The following LYPD6 variants were observed in gnomAD, a reference collection of about 807,000 sequenced individuals.
The protein encoded by LYPD6 is LY6/PLAUR domain containing 6.
In LYPD6, 15 loss-of-function variants were observed where a neutral mutation model predicts 22.7. That is an observed-to-expected ratio of 0.66 (90% confidence interval 0.44 to 1.02). The LOEUF (loss-of-function observed/expected upper bound fraction) is 1.02. LYPD6 is among the 50% of genes least tolerant of loss of function. LYPD6 has a pLI of 0.00. For missense variants in LYPD6, 189 were observed against 208.4 expected, an observed-to-expected ratio of 0.91 and a Z score of 0.57; for synonymous variants, 72 against 77.5, an observed-to-expected ratio of 0.93 and a Z score of 0.37.
chr2:149,396,609 T>C (rs529318428), intron 1 of LYPD6, among the ~76,000 whole-genome samples: 1 of 152,296 alleles, frequency 6.6e-6, no homozygotes, highest in African/African-American at 2.4e-5. Context: ...TCTGATTTAT[T>C]TTTGTTGCAT....
At chr2:149,377,952 G>A (rs1398397780) in intron 1 of LYPD6, among the ~76,000 whole-genome samples, 1 of 152,024 alleles carries the variant, frequency 6.6e-6, no homozygotes, top group Non-Finnish European at 1.5e-5. Flanking sequence ...CCTGGCATGA[G>A]GTCAGGCCCT....
chr2:149,356,998 A>T (rs2105064263), intron 1 of LYPD6, among the ~76,000 whole-genome samples: 1 of 152,296 alleles, frequency 6.6e-6, no homozygotes, highest in South Asian at 2.1e-4. Flanking sequence ...TCAAAAATTT[A>T]CTGGGATTCT....
At chr2:149,476,015 G>T (rs1212826221), downstream of LYPD6, among the ~76,000 whole-genome samples, 1 of 152,142 alleles carries the variant, frequency 6.6e-6, no homozygotes, top group Admixed American at 6.5e-5. Context: ...AGAGTGAGTA[G>T]AACCTTAGAA....
chr2:149,398,523 G>C (rs532095783), intron 1 of LYPD6, among the ~76,000 whole-genome samples: 1 of 152,016 alleles, frequency 6.6e-6, no homozygotes. Flanking sequence ...GATTTTCAGA[G>C]GGATGCTGCT....
At chr2:149,360,157 A>G (rs972344773) in intron 1 of LYPD6, among the ~76,000 whole-genome samples, 4 of 152,166 alleles carry the variant, frequency 2.6e-5, no homozygotes, top group African/African-American at 9.7e-5. Context: ...GTCTTTTAGC[A>G]TGCTAATACA....
At chr2:149,437,941 TG>T in intron 2 of LYPD6, 115 bp downstream of exon 2, 1 of 1,128,362 alleles carries the variant, frequency 8.9e-7, no homozygotes, top group Non-Finnish European at 1.3e-6. Flanking sequence ...GTGATTTAAC[TG>T]GGGTGGTGCG....
the LYPD6 span, among the ~76,000 whole-genome samples, chr2:149,480,021 T>C: frequency 2.2e-4 from 22 of 99,122 alleles, no homozygotes; most frequent in Admixed American, 9.1e-4. Flanking sequence ...TTCTCTCTCT[T>C]TTTTTTTTTT....
chr2:149,402,851 G>C (rs575666529), intron 1 of LYPD6, among the ~76,000 whole-genome samples: 1 of 151,308 alleles, frequency 6.6e-6, no homozygotes, highest in Non-Finnish European at 1.5e-5. Flanking sequence ...TTTAGCATTA[G>C]GTATATCTCC....
chr2:149,475,603 T>C (rs780340040), downstream of LYPD6, among the ~76,000 whole-genome samples: 83 of 152,210 alleles, frequency 5.5e-4, no homozygotes, highest in Non-Finnish European at 1.1e-3. Flanking sequence ...CTGTTTATTA[T>C]CTTTGACAAA....
intron 1 of LYPD6, among the ~76,000 whole-genome samples, chr2:149,389,316 T>C (rs1250103382): frequency 6.6e-6 from 1 of 152,156 alleles, no homozygotes; most frequent in Non-Finnish European, 1.5e-5. Flanking sequence ...TAGCTACTCC[T>C]GTCTCTCCGA....
At chr2:149,418,563 G>C (rs2105130010) in intron 1 of LYPD6, among the ~76,000 whole-genome samples, 1 of 150,864 alleles carries the variant, frequency 6.6e-6, no homozygotes, top group Non-Finnish European at 1.5e-5. Context: ...CTAACATATG[G>C]AAACACTTCT....
intron 1 of LYPD6, among the ~76,000 whole-genome samples, chr2:149,336,763 A>G (rs1461868847): frequency 6.6e-6 from 1 of 152,214 alleles, no homozygotes; most frequent in African/African-American, 2.4e-5. Flanking sequence ...AAACATTATG[A>G]AAATAAGATT....
chr2:149,435,546 G>T (rs192548116), intron 1 of LYPD6, among the ~76,000 whole-genome samples: 111 of 152,326 alleles, frequency 7.3e-4, no homozygotes, highest in Non-Finnish European at 1.2e-3. Flanking sequence ...CACCATGCTG[G>T]CAGAGAAAAG....
Position 149,359,018 on chromosome 2 carries a change from G to C in LYPD6, c.-72+28296G>C, listed in dbSNP as rs568223525. Among the ~76,000 whole-genome samples the C allele has an allele frequency of 1.2e-4, 19 of 152,050 alleles. No individual in the cohort carries two copies. The East Asian group carries it at 3.7e-3, about 29-fold the overall frequency. ...TAAAACAATTGAAAAATATACTTAC[G>C]TCCTCCATCTCTATGCTCCCATGAT... On this transcript the variant is annotated intron_variant, in intron 1 of 4. Coordinates refer to ENST00000334166, the MANE Select transcript of LYPD6 (RefSeq NM_194317.5).
intron 1 of LYPD6, among the ~76,000 whole-genome samples, chr2:149,332,821 G>T (rs1052031765): frequency 6.6e-6 from 1 of 152,156 alleles, no homozygotes; most frequent in African/African-American, 2.4e-5. Flanking sequence ...TAAGGTGAGG[G>T]CTGATAAAGA....
At chr2:149,366,167 T>G (rs772550659) in intron 1 of LYPD6, among the ~76,000 whole-genome samples, 3 of 152,230 alleles carry the variant, frequency 2.0e-5, no homozygotes, top group Non-Finnish European at 4.4e-5. Context: ...ATCTCCACCT[T>G]TCACCCACTG....
At chr2:149,425,017 C>G (rs957269238) in intron 1 of LYPD6, among the ~76,000 whole-genome samples, 1 of 152,158 alleles carries the variant, frequency 6.6e-6, no homozygotes, top group Non-Finnish European at 1.5e-5. Flanking sequence ...CTCGCACCTG[C>G]CCCTCAGGTT....
intron 1 of LYPD6, among the ~76,000 whole-genome samples, chr2:149,342,913 G>C (rs938144597): frequency 2.0e-5 from 3 of 152,130 alleles, no homozygotes; most frequent in African/African-American, 7.2e-5. Flanking sequence ...AATCAACATG[G>C]TACAAAAAAA....
At chr2:149,391,364 T>C (rs879646578) in intron 1 of LYPD6, among the ~76,000 whole-genome samples, 19 of 151,876 alleles carry the variant, frequency 1.3e-4, no homozygotes, top group Admixed American at 1.2e-3. Context: ...TCCAACTCCC[T>C]TTTTTCCCCC....
Sources: gnomAD v4.1 joint callset for allele counts (sites outside exome capture counted in the v4.1 genomes callset) on GRCh38, gnomAD v4.1.1 for gene constraint, MANE v1.5 for transcripts, NCBI Gene and HGNC (gene_info 2026-07-23, HGNC 2026-07-21) for gene names.